Variants in ARIH1 observed in about 807,000 individuals in gnomAD.
ARIH1 encodes the protein E3 ubiquitin-protein ligase ARIH1.
Under a neutral mutation model 85.0 loss-of-function variants are expected in ARIH1, and 8 were observed. The observed-to-expected ratio is 0.09, with a 90% CI of 0.06 to 0.17. The LOEUF (loss-of-function observed/expected upper bound fraction) is 0.17. Among genes scored for constraint, ARIH1 ranks in the 10% least tolerant of loss-of-function variants. The pLI is 1.00. For missense variants in ARIH1, 311 were observed against 718.1 expected (o/e 0.43, Z 6.48); for synonymous variants, 238 against 253.6 (o/e 0.94, Z 0.59).
At chr15:72,477,087 C>T (rs932082412) in intron 1 of ARIH1, among the ~76,000 whole-genome samples, 5 of 152,104 alleles carry the variant, frequency 3.3e-5, no homozygotes, top group African/African-American at 1.2e-4. Context: ...TGCTCATTTT[C>T]AATGCATTTG....
intron 1 of ARIH1, among the ~76,000 whole-genome samples, chr15:72,478,874 G>A (rs2063804447): frequency 6.6e-6 from 1 of 152,170 alleles, no homozygotes; most frequent in South Asian, 2.1e-4. Context: ...ACTTTGTGTT[G>A]TTGCCCAGAC....
At chr15:72,516,733 G>A (rs2140410220) in intron 1 of ARIH1, among the ~76,000 whole-genome samples, 1 of 152,282 alleles carries the variant, frequency 6.6e-6, no homozygotes, top group Non-Finnish European at 1.5e-5. Context: ...GTAACAAATG[G>A]TACTGTCGAA....
intron 2 of ARIH1, among the ~76,000 whole-genome samples, chr15:72,519,610 A>G (rs1043933682): frequency 1.7e-4 from 25 of 149,798 alleles, no homozygotes; most frequent in Non-Finnish European, 1.5e-5. Context: ...CAGCCTCCCA[A>G]GTAACTGGGA....
chr15:72,532,935 C>T (rs763515725), intron 2 of ARIH1, among the ~76,000 whole-genome samples: 2 of 152,168 alleles, frequency 1.3e-5, no homozygotes, highest in Non-Finnish European at 1.5e-5. Context: ...ATAAATCTTA[C>T]AGAAACATTT....
intron 3 of ARIH1, among the ~76,000 whole-genome samples, chr15:72,552,605 AAAC>A (rs1052599903): frequency 1.7e-4 from 26 of 151,880 alleles, no homozygotes; most frequent in Admixed American, 1.2e-3. Context: ...GGATTTTTTT[AAAC>A]AACAACAACA....
chr15:72,489,500 A>G (rs973410310), intron 1 of ARIH1, among the ~76,000 whole-genome samples: 1 of 152,186 alleles, frequency 6.6e-6, no homozygotes, highest in African/African-American at 2.4e-5. Flanking sequence ...CTCAGAGTAA[A>G]AAAATACGTT....
intron 2 of ARIH1, among the ~76,000 whole-genome samples, chr15:72,541,378 G>A (rs1396449548): frequency 6.6e-6 from 1 of 152,114 alleles, no homozygotes; most frequent in Non-Finnish European, 1.5e-5. Flanking sequence ...GTGAAAAAAA[G>A]TTATAAAACT....
chr15:72,543,150 G>C (rs2064115240), intron 2 of ARIH1, among the ~76,000 whole-genome samples: 1 of 151,848 alleles, frequency 6.6e-6, no homozygotes, highest in Non-Finnish European at 1.5e-5. Context: ...GGCCAGGCTG[G>C]TTTTGAACTA....
At chr15:72,558,070 G>A (rs746659414) in intron 5 of ARIH1, among the ~76,000 whole-genome samples, 2 of 152,094 alleles carry the variant, frequency 1.3e-5, no homozygotes, top group Non-Finnish European at 2.9e-5. Flanking sequence ...AGGACTTCCA[G>A]TACTATGTTG....
rs778935695 is a variant in ARIH1, at chr15:72,582,083, A to G, written c.1485A>G (p.Gln495=). The G allele has an allele frequency of 5.0e-6, 8 of 1,601,804 alleles. No homozygotes were observed. The highest frequency in any genetic ancestry group is 2.7e-5 in the African/African-American group (2 of 74,264). Residue 495 remains glutamine (Q), a synonymous_variant, in exon 13 of 14, where the codon CAA becomes CAG. Transcript: ENST00000379887. This position sits in a 1 kb window ranked among gnomAD's most constrained non-coding sequence, Gnocchi z 4.6. ...NNQSIIFENN[Q]ADLENATEVL... is the part of the protein sequence containing the mutation. The stretch of plus-strand genomic sequence containing the variant: ...TTTCATTCTTCTTACAGAATAACCA[A>G]GCAGATCTAGAGAATGCCACAGAGG...
chr15:72,492,095 A>T (rs963462775), intron 1 of ARIH1, among the ~76,000 whole-genome samples: 6 of 152,234 alleles, frequency 3.9e-5, no homozygotes, highest in African/African-American at 1.2e-4. Context: ...TTTACAGCTT[A>T]CATATGTACC....
chr15:72,534,970 T>TTTTTTTTTTTTTTTTTTTTTTTTG (rs1567349493), intron 2 of ARIH1, among the ~76,000 whole-genome samples: 1 of 114,526 alleles, frequency 8.7e-6, no homozygotes, highest in Admixed American at 9.5e-5. Flanking sequence ...TTTTTTTTTT[T>TTTTTTTTTTTTTTTTTTTTTTTTG]GAGACGGAGT....
intron 2 of ARIH1, among the ~76,000 whole-genome samples, chr15:72,527,354 G>A (rs144612407): frequency 3.1e-3 from 471 of 152,288 alleles, no homozygotes; most frequent in Non-Finnish European, 5.8e-3. Context: ...CTGAAAGCTG[G>A]ATATCTCCTT....
intron 1 of ARIH1, among the ~76,000 whole-genome samples, chr15:72,499,084 C>T (rs574371365): frequency 8.7e-5 from 13 of 148,954 alleles, no homozygotes; most frequent in African/African-American, 2.0e-4. Context: ...GGGTTCAAGC[C>T]ATTCTCCCGC....
At chr15:72,549,236 C>T (rs2064142819) in intron 3 of ARIH1, among the ~76,000 whole-genome samples, 1 of 151,730 alleles carries the variant, frequency 6.6e-6, no homozygotes, top group Non-Finnish European at 1.5e-5. Flanking sequence ...TACAGCCGCC[C>T]ACCACCACAC....
chr15:72,565,424 G>T (rs942151259), intron 7 of ARIH1, among the ~76,000 whole-genome samples: 1 of 151,842 alleles, frequency 6.6e-6, no homozygotes, highest in African/African-American at 2.4e-5. Context: ...TGGTTTGGAG[G>T]GGGAAATATT....
In ARIH1 at chr15:72,474,627, C is replaced by G; in HGVS notation, c.-13C>G. 6.6e-7 allele frequency: 1 copy of G among 1,511,194 alleles called. No individual in the cohort carries two copies. Among genetic ancestry groups the G allele is most frequent in the East Asian group, 2.8e-5 (1 of 35,908 alleles). 93.6% of individuals were successfully genotyped at this position (1,511,194 alleles called of 1,614,324 possible). On this transcript the variant is annotated 5_prime_UTR_variant, in exon 1 of 14. Transcript: ENST00000379887. ...CCTCGGCCAGCGTCCGCCGGGCCCC[C>G]GCGCGTCGCGCCATGGACTCGGACG...
chr15:72,575,078 G>T (rs1488043551), intron 11 of ARIH1, among the ~76,000 whole-genome samples: 1 of 151,920 alleles, frequency 6.6e-6, no homozygotes, highest in Non-Finnish European at 1.5e-5. Context: ...AGCCTGGATG[G>T]CAGAGACCCT....
chr15:72,480,605 C>T (rs967421388), intron 1 of ARIH1, among the ~76,000 whole-genome samples: 1 of 152,024 alleles, frequency 6.6e-6, no homozygotes, highest in African/African-American at 2.4e-5. Context: ...TCTCTTGTTG[C>T]CCAGGCTGGA....
Sources: gnomAD v4.1 joint callset for allele counts (sites outside exome capture counted in the v4.1 genomes callset) on GRCh38, gnomAD v4.1.1 for gene constraint, Gnocchi (gnomAD v3.1) non-coding constraint, MANE v1.5 for transcripts, NCBI Gene and HGNC (gene_info 2026-07-23, HGNC 2026-07-21) for gene names.